HSDL1: variants seen among roughly 807,000 people sequenced by gnomAD.
The protein encoded by HSDL1 is hydroxysteroid dehydrogenase like 1.
In HSDL1, 29 loss-of-function variants were observed where a neutral mutation model predicts 31.5. The ratio of observed to expected loss-of-function variants is 0.92; its 90% CI spans 0.69 to 1.26. HSDL1 has a LOEUF of 1.26. Ranked by LOEUF, HSDL1 falls within the 50% of genes most tolerant of loss-of-function variation. The pLI, the probability that HSDL1 is intolerant of heterozygous loss-of-function variation, is 0.00. For missense variants in HSDL1, 503 were observed against 416.6 expected (o/e 1.21, Z -1.81); for synonymous variants, 222 against 155.2 (o/e 1.43, Z -3.20).
Position 84,131,163 on chromosome 16 carries a change from G to T in HSDL1, c.159C>A (p.Ile53=). Residue 53 remains isoleucine (I), a synonymous_variant, in exon 3 of 6, where the codon ATC becomes ATA. Coordinates refer to ENST00000219439, the MANE Select transcript of HSDL1 (RefSeq NM_031463.5). ...DFYSLIRLHF[I]PRLGSRADLI... is the part of the protein sequence containing the mutation. ...AGTCTGCTCTGCTCCCCAGGCGGGG[G>T]ATAAAATGCAGCCTGATCAGGCTGT... The T allele has an allele frequency of 6.2e-7, 1 of 1,614,178 alleles. No homozygotes were observed.
chr16:84,125,989 G>C (rs1213278258), intron 5 of HSDL1, among the ~76,000 whole-genome samples: 1 of 151,918 alleles, frequency 6.6e-6, no homozygotes, highest in Non-Finnish European at 1.5e-5. Flanking sequence ...TGTAGTCCCA[G>C]CTACTCAGGA....
chr16:84,136,312 T>G (rs997803395), intron 1 of HSDL1, among the ~76,000 whole-genome samples: 1 of 152,204 alleles, frequency 6.6e-6, no homozygotes, highest in African/African-American at 2.4e-5. Context: ...GTCCACATTT[T>G]CCCTCTCCTC....
intron 1 of HSDL1, among the ~76,000 whole-genome samples, chr16:84,135,970 A>G (rs2086708425): frequency 6.6e-6 from 1 of 152,244 alleles, no homozygotes; most frequent in South Asian, 2.1e-4. Flanking sequence ...GCATCGGGGA[A>G]GAGAGCAGCC....
At chr16:84,142,872 C>T (rs914838179) in intron 1 of HSDL1, among the ~76,000 whole-genome samples, 3 of 152,194 alleles carry the variant, frequency 2.0e-5, no homozygotes, top group East Asian at 1.9e-4. Context: ...TCATACTCTG[C>T]GTCAGCACTA....
chr16:84,144,293 G>C (rs1000028233), intron 1 of HSDL1: 4 of 152,284 alleles, frequency 2.6e-5, no homozygotes, highest in African/African-American at 9.7e-5. Flanking sequence ...GGGGCTACCT[G>C]CAATTCAGAT....
chr16:84,135,159 G>A (rs1283436054), intron 2 of HSDL1, among the ~76,000 whole-genome samples: 4 of 152,062 alleles, frequency 2.6e-5, no homozygotes, highest in Non-Finnish European at 5.9e-5. Context: ...CATGAACCGG[G>A]GAGGCAGAGC....
chr16:84,131,860 T>C (rs952108288), intron 2 of HSDL1, among the ~76,000 whole-genome samples: 3 of 152,172 alleles, frequency 2.0e-5, no homozygotes, highest in Non-Finnish European at 1.5e-5. Flanking sequence ...TTTGTATTTT[T>C]AGTAGAGACA....
intron 2 of HSDL1, among the ~76,000 whole-genome samples, chr16:84,134,133 G>A (rs374476117): frequency 3.3e-5 from 5 of 152,044 alleles, no homozygotes; most frequent in South Asian, 4.1e-4. Flanking sequence ...TCAGTGTAGC[G>A]AACGAGCATA....
intron 1 of HSDL1, among the ~76,000 whole-genome samples, chr16:84,139,946 A>G (rs1031304244): frequency 6.6e-6 from 1 of 152,190 alleles, no homozygotes. Flanking sequence ...TCTTGTGCTC[A>G]GTACTCCAAA....
rs36192181 is a variant in HSDL1, at chr16:84,131,483, GTCTATCTATCTA to G, written c.-6-168_-6-157del. On this transcript the variant is annotated intron_variant, in intron 2 of 5. Transcript: ENST00000219439. ...CAAATGTACGTGGCTCACAGTTTCA[GTCTATCTATCTA>G]TCTATCTATCTATCTATCTATCTAT... 5.3e-3 allele frequency among the ~76,000 whole-genome samples: 759 copies of G among 144,228 alleles called. 1 individual carries two copies. The highest frequency in any genetic ancestry group is 0.012 in the African/African-American group (439 of 38,004). 94.6% of individuals were successfully genotyped at this position (144,228 alleles called of 152,430 possible).
rs1160192746 is a variant in HSDL1, at chr16:84,130,419, C to T, written c.233G>A (p.Gly78Glu). ...RWAVVSGATD[G>E]IGKAYAEELA... ...CTCTTCAGCGTAGGCTTTTCCAATC[C>T]CATCTGTTGCACCTAGGATGCAAGT... The change falls in exon 4 of 6, where the codon GGG becomes GAG. Residue 78 changes from glycine to glutamate, a missense_variant. Coordinates refer to ENST00000219439, the MANE Select transcript of HSDL1 (RefSeq NM_031463.5). 1 of 1,608,136 alleles carries T rather than the reference C, an allele frequency of 6.2e-7. No homozygotes were observed. Among genetic ancestry groups the T allele is most frequent in the South Asian group, 1.1e-5 (1 of 90,432 alleles).
At chr16:84,133,848 C>A (rs961438362) in intron 2 of HSDL1, among the ~76,000 whole-genome samples, 1 of 152,124 alleles carries the variant, frequency 6.6e-6, no homozygotes, top group Non-Finnish European at 1.5e-5. Context: ...AATGAGAATG[C>A]CAAAGTTCAT....
At chr16:84,140,698 T>TACAGCCCG (rs2086757911) in intron 1 of HSDL1, among the ~76,000 whole-genome samples, 1 of 152,238 alleles carries the variant, frequency 6.6e-6, no homozygotes, top group South Asian at 2.1e-4. Context: ...TTCCTCTGAT[T>TACAGCCCG]ACAGCCCCTC....
Position 84,124,379 on chromosome 16 carries a change from C to A in HSDL1, c.*251G>T. 1 of 342,776 alleles carries A rather than the reference C, an allele frequency of 2.9e-6. No individual in the cohort carries two copies. The highest frequency in any genetic ancestry group is 5.5e-6 in the Non-Finnish European group (1 of 181,656). 21.2% of individuals were successfully genotyped at this position (342,776 alleles called of 1,614,324 possible). A position where few individuals can be genotyped will look rare whatever the true frequency, so the allele number is the denominator to read the frequency against. On this transcript the variant is annotated 3_prime_UTR_variant, in exon 6 of 6. Transcript: ENST00000219439. ...ACAGAAAAGCGTAACTTTCAAACAG[C>A]TTAGGGAAAAAGCACTGAAATGTAG...
At chr16:84,127,788 G>T (rs1490742034) in intron 5 of HSDL1, among the ~76,000 whole-genome samples, 30 of 143,920 alleles carry the variant, frequency 2.1e-4, no homozygotes, top group Non-Finnish European at 3.3e-4. Flanking sequence ...GTGTGATCTC[G>T]GCTCACTGCA....
intron 5 of HSDL1, among the ~76,000 whole-genome samples, chr16:84,127,343 G>A (rs1642183552): frequency 6.7e-6 from 1 of 150,024 alleles, no homozygotes; most frequent in South Asian, 2.1e-4. Flanking sequence ...AGACTCCCAG[G>A]TAGCTGGGAC....
intron 5 of HSDL1, among the ~76,000 whole-genome samples, 167 bp downstream of exon 5, chr16:84,129,381 A>G (rs7204214): frequency 0.22 from 32,961 of 150,674 alleles, 3,760 homozygotes; most frequent in African/African-American, 0.27. Context: ...CTCCATCTCA[A>G]AAAAAAAAAG....
intron 3 of HSDL1, 116 bp downstream of exon 3, chr16:84,130,986 A>G: frequency 1.2e-6 from 1 of 822,066 alleles, no homozygotes; most frequent in Non-Finnish European, 2.0e-6. Context: ...CAGGAGCCAT[A>G]AGTTTTATTT....
At chr16:84,133,728 C>T (rs999050754) in intron 2 of HSDL1, among the ~76,000 whole-genome samples, 2 of 152,088 alleles carry the variant, frequency 1.3e-5, no homozygotes, top group Admixed American at 6.5e-5. Flanking sequence ...GACTCCATCT[C>T]GAAACAAACA....
Sources: allele counts gnomAD v4.1 joint callset (sites outside exome capture counted in the v4.1 genomes callset), GRCh38; gene constraint gnomAD v4.1.1; transcripts MANE v1.5; gene names NCBI Gene and HGNC (gene_info 2026-07-23, HGNC 2026-07-21).